The following EPB41L1 variants were observed in gnomAD, a reference collection of about 807,000 sequenced individuals.
EPB41L1 encodes erythrocyte membrane protein band 4.1 like 1.
A neutral mutation model predicts 97.8 loss-of-function variants in EPB41L1; 29 were observed. The observed-to-expected ratio is 0.30, with a 90% CI of 0.22 to 0.40. The LOEUF (loss-of-function observed/expected upper bound fraction) is 0.40, where lower values mean the gene tolerates loss of function less well. Ranked by LOEUF, EPB41L1 falls within the 10% of genes least tolerant of loss-of-function variation. EPB41L1 has a pLI of 1.00. For synonymous variants in EPB41L1, 383 were observed against 459.2 expected (o/e 0.83, Z 2.12); for missense variants, 812 against 1,162.3 (o/e 0.70, Z 4.38).
Position 36,209,791 on chromosome 20 carries a change from T to C in EPB41L1, c.1972T>C (p.Ser658Pro). 6.2e-7 allele frequency: 1 copy of C among 1,613,932 alleles called. No homozygotes were observed. The highest frequency in any genetic ancestry group is 1.1e-5 in the South Asian group (1 of 91,074). Reference sequence around the variant, plus strand: ...CTCGGACACTGAGGGCCTGCTGTTCTCCCGGGATCTCAACAAGGGGGCCCC... The same window carrying C: ...CTCGGACACTGAGGGCCTGCTGTTCCCCCGGGATCTCAACAAGGGGGCCCC... ...SDSDTEGLLF[S>P]RDLNKGAPSQ... The change falls in exon 15 of 22, where the codon TCC (serine) becomes CCC (proline). Residue 658 changes from serine to proline, a missense_variant. Coordinates refer to ENST00000338074, the MANE Select transcript of EPB41L1 (RefSeq NM_012156.2). This position sits in a 1 kb window ranked among gnomAD's most constrained non-coding sequence, Gnocchi z 4.2.
chr20:36,219,760 G>A lies in EPB41L1; in HGVS notation c.2356-1G>A, dbSNP rs1291493680. On this transcript the variant is annotated splice_acceptor_variant, in intron 18 of 21. Coordinates refer to ENST00000338074, the MANE Select transcript of EPB41L1 (RefSeq NM_012156.2). LOFTEE classifies it high-confidence loss of function. ...GGGTGGGGGGTGGTTATATTCTGCA[G>A]ATCATCGGGAAAGATGTCCTCACCA... 1.9e-6 allele frequency: 3 copies of A among 1,614,146 alleles called. No individual in the cohort carries two copies. The highest frequency in any genetic ancestry group is 2.5e-6 in the Non-Finnish European group (3 of 1,180,018).
intron 2 of EPB41L1, among the ~76,000 whole-genome samples, chr20:36,119,474 C>T (rs551112524): frequency 3.3e-5 from 5 of 152,166 alleles, no homozygotes; most frequent in East Asian, 1.9e-4. Flanking sequence ...TGGTGGTGCA[C>T]GCCTGTAATC....
intron 3 of EPB41L1, among the ~76,000 whole-genome samples, chr20:36,176,893 A>G (rs1200140777): frequency 6.6e-6 from 1 of 152,110 alleles, no homozygotes; most frequent in Non-Finnish European, 1.5e-5. Flanking sequence ...TGGCCTCCCA[A>G]AGTGCTGGGA....
chr20:36,214,538 G>T (rs2063328530), intron 17 of EPB41L1, 98 bp downstream of exon 17: 2 of 984,536 alleles, frequency 2.0e-6, no homozygotes, highest in South Asian at 2.7e-5. Context: ...TCAGGAAGTT[G>T]TGAGCTGCCC....
intron 13 of EPB41L1, 150 bp from the exon 14 acceptor site, chr20:36,197,709 C>A: frequency 6.5e-7 from 1 of 1,541,866 alleles, no homozygotes; most frequent in South Asian, 1.2e-5. Flanking sequence ...TGGTTTGTCT[C>A]TGGGGCTGCC....
intron 2 of EPB41L1, among the ~76,000 whole-genome samples, 185 bp from the exon 3 acceptor site, chr20:36,175,366 A>G (rs2061182908): frequency 6.6e-6 from 1 of 152,166 alleles, no homozygotes. Context: ...TTATGCATGG[A>G]AGCCCTGGCT....
intron 3 of EPB41L1, among the ~76,000 whole-genome samples, chr20:36,176,278 T>C (rs1403940024): frequency 6.6e-6 from 1 of 152,204 alleles, no homozygotes; most frequent in Non-Finnish European, 1.5e-5. Context: ...CCCATGGTGG[T>C]GACACAGCAG....
chr20:36,104,263 G>A (rs2058116911), intron 1 of EPB41L1, among the ~76,000 whole-genome samples: 1 of 152,178 alleles, frequency 6.6e-6, no homozygotes, highest in Non-Finnish European at 1.5e-5. Flanking sequence ...AGTAGGAAGG[G>A]CAATGACAGG....
chr20:36,201,066 G>A, intron 14 of EPB41L1: 1 of 432,612 alleles, frequency 2.3e-6, no homozygotes, highest in Non-Finnish European at 4.7e-6. Flanking sequence ...TCTGGGGTGA[G>A]GGGAATGTAC....
At chr20:36,224,872 A>G (rs1198941228) in intron 21 of EPB41L1, among the ~76,000 whole-genome samples, 1 of 152,110 alleles carries the variant, frequency 6.6e-6, no homozygotes, top group Non-Finnish European at 1.5e-5. Context: ...CCCAGGCTGG[A>G]GTGCAGTGGC....
chr20:36,160,581 C>T (rs1461451624), intron 1 of EPB41L1, among the ~76,000 whole-genome samples: 4 of 150,954 alleles, frequency 2.6e-5, no homozygotes, highest in Non-Finnish European at 5.9e-5. Context: ...CAGAGCGAGA[C>T]TCCGTCACAA....
At chr20:36,199,358 G>A (rs902124519) in intron 14 of EPB41L1, among the ~76,000 whole-genome samples, 2 of 152,168 alleles carry the variant, frequency 1.3e-5, no homozygotes, top group African/African-American at 4.8e-5. Flanking sequence ...CTAGGAGCAA[G>A]ACCAAATCAC....
upstream of EPB41L1, chr20:36,152,949 T>C (rs904402706): frequency 2.0e-5 from 9 of 455,912 alleles, no homozygotes; most frequent in Non-Finnish European, 4.0e-5. Flanking sequence ...TTGTCTGTCT[T>C]CCCACCTTCT....
intron 15 of EPB41L1, among the ~76,000 whole-genome samples, chr20:36,210,138 C>T (rs577748543): frequency 4.9e-4 from 74 of 152,294 alleles, no homozygotes; most frequent in African/African-American, 1.7e-3. Flanking sequence ...TGAAGTCGAG[C>T]GATGACAGGT....
At chr20:36,174,931 A>T (rs1027710347) in intron 2 of EPB41L1, among the ~76,000 whole-genome samples, 8 of 152,144 alleles carry the variant, frequency 5.3e-5, no homozygotes, top group African/African-American at 1.9e-4. Context: ...TGTCTGTTCT[A>T]GCTTGGCCAG....
intron 9 of EPB41L1, 120 bp downstream of exon 9, chr20:36,188,619 CACACACACACACACACACACACAGAGAG>C (rs2061790648): frequency 7.6e-6 from 5 of 660,158 alleles, no homozygotes; most frequent in African/African-American, 6.2e-5. Flanking sequence ...CACACACACA[CACACACACACACACACACACACAGAGAG>C]AGAGAGAGAG....
intron 21 of EPB41L1, among the ~76,000 whole-genome samples, chr20:36,226,726 G>A (rs1748921874): frequency 6.6e-6 from 1 of 152,160 alleles, no homozygotes; most frequent in Non-Finnish European, 1.5e-5. Context: ...AATGCTGCAC[G>A]CAGGGACTGT....
intron 16 of EPB41L1, among the ~76,000 whole-genome samples, chr20:36,213,688 T>C (rs1023111590): frequency 2.0e-5 from 3 of 151,928 alleles, no homozygotes; most frequent in Non-Finnish European, 4.4e-5. Context: ...CTTATTGACA[T>C]AAAAACAAAA....
chr20:36,213,652 GC>G (rs1274773827), intron 16 of EPB41L1, among the ~76,000 whole-genome samples: 1 of 151,840 alleles, frequency 6.6e-6, no homozygotes, highest in Non-Finnish European at 1.5e-5. Flanking sequence ...ACTAAAATTG[GC>G]CCTAGATCCC....
Sources: allele counts gnomAD v4.1 joint callset (sites outside exome capture counted in the v4.1 genomes callset), GRCh38; gene constraint gnomAD v4.1.1; non-coding constraint Gnocchi (gnomAD v3.1); transcripts MANE v1.5; gene names NCBI Gene and HGNC (gene_info 2026-07-23, HGNC 2026-07-21).